The following SIPA1 variants were observed in gnomAD, a reference collection of about 807,000 sequenced individuals.
SIPA1 encodes signal-induced proliferation-associated 1.
SIPA1 carries 51 observed loss-of-function variants against 88.1 expected under a neutral mutation model. The ratio of observed to expected loss-of-function variants is 0.58; its 90% CI spans 0.46 to 0.73. The LOEUF (loss-of-function observed/expected upper bound fraction) is 0.73. SIPA1 is among the 30% of genes least tolerant of loss of function. SIPA1 has a pLI of 0.00. For missense variants in SIPA1, 1,348 were observed against 1,467.6 expected, an observed-to-expected ratio of 0.92 and a Z score of 1.33; for synonymous variants, 681 against 664.8, an observed-to-expected ratio of 1.02 and a Z score of -0.37.
intron 4 of SIPA1, among the ~76,000 whole-genome samples, chr11:65,643,972 C>T (rs1404980721): frequency 1.3e-5 from 2 of 152,096 alleles, no homozygotes; most frequent in Non-Finnish European, 2.9e-5. Flanking sequence ...TGCAGTTGCC[C>T]AGGCTAGACA....
At position 65,642,236 on chromosome 11, in the gene SIPA1, GCGCGGT is replaced by G. The variant is rs1856018942; in HGVS notation, c.680-12_680-7del. ...AGGGCGGGACCAATCGTTTTCTTCG[GCGCGGT>G]CCCCCAGAACATCAGAACTTCTTCG... On this transcript the variant is annotated splice_polypyrimidine_tract_variant and splice_region_variant and intron_variant, in intron 2 of 15. Coordinates refer to ENST00000534313, the MANE Select transcript of SIPA1 (RefSeq NM_006747.4). The surrounding 1 kb of genome is among the most constrained non-coding windows in gnomAD (Gnocchi z 6.5). 1.3e-6 allele frequency: 2 copies of G among 1,549,876 alleles called. No homozygotes were observed.
rs565983838 is a variant in SIPA1, at chr11:65,650,816, C to T, written c.*101C>T. 26 of 1,274,066 alleles carry T rather than the reference C, an allele frequency of 2.0e-5. No individual in the cohort carries two copies. In the South Asian group the frequency reaches 4.0e-4, roughly 19 times the overall value. 78.9% of individuals were successfully genotyped at this position (1,274,066 alleles called of 1,614,324 possible). A position where few individuals can be genotyped will look rare whatever the true frequency, so the allele number is the denominator to read the frequency against. On this transcript the variant is annotated 3_prime_UTR_variant, in exon 16 of 16. Transcript: ENST00000534313. ...AGGCGTGTCTTAGCACTGCCCCCCTCCCTAGCCCCTTATTTGGTGGCGGAA... is the reference window on the plus strand; with the variant it reads ...AGGCGTGTCTTAGCACTGCCCCCCTTCCTAGCCCCTTATTTGGTGGCGGAA...
At position 65,642,299 on chromosome 11, in the gene SIPA1, G is replaced by T; in HGVS notation, c.729G>T (p.Val243=). The part of the protein sequence containing the change: ...GMDESLGPVA[V]SLRREEKEGS... ...ACGAGTCGCTGGGCCCGGTGGCAGT[G>T]AGCCTGCGGCGGGAGGAGAAGGAGG... is the stretch of plus-strand genomic sequence containing the variant. Residue 243 remains valine, a synonymous_variant, in exon 3 of 16, where the codon GTG becomes GTT. Transcript: ENST00000534313. This position sits in a 1 kb window ranked among gnomAD's most constrained non-coding sequence, Gnocchi z 6.5. 1 of 1,556,284 alleles carries T rather than the reference G, an allele frequency of 6.4e-7. No homozygotes were observed. Among genetic ancestry groups the T allele is most frequent in the East Asian group, 2.4e-5 (1 of 41,940 alleles).
Position 65,650,006 on chromosome 11 carries a change from A to G in SIPA1, c.2803A>G (p.Ile935Val), listed in dbSNP as rs373662621. The change falls in exon 13 of 16, where the codon ATT (isoleucine) becomes GTT (valine). Residue 935 changes from isoleucine to valine, a missense_variant. Ile to Val is a conservative substitution (Grantham distance 29). This residue lies in a region of SIPA1 where 615 missense variants were observed against 559.8 expected (regional missense o/e 1.10). Transcript: ENST00000534313. ...GGACGAGTGGCAGGCCATCTCGGAG[A>G]TTGCCTCTACTTGCAACACCATTCT... ...LEDEWQAISEIASTCNTILES... is the reference protein window; with the variant it reads ...LEDEWQAISEVASTCNTILES... The G allele has an allele frequency of 6.2e-7, 1 of 1,613,736 alleles. No homozygotes were observed. Among genetic ancestry groups the G allele is most frequent in the African/African-American group, 1.3e-5 (1 of 74,850 alleles).
At position 65,646,205 on chromosome 11, in the gene SIPA1, A is replaced by G; in HGVS notation, c.1264-16A>G. The G allele has an allele frequency of 6.2e-7, 1 of 1,613,182 alleles. No homozygotes were observed. Among genetic ancestry groups the G allele is most frequent in the Non-Finnish European group, 8.5e-7 (1 of 1,179,730 alleles). ...ACAGAAGACCTCATCACGAGCCCCT[A>G]CTATCCAACCCCTAGCTCCTCCGGA... On this transcript the variant is annotated splice_polypyrimidine_tract_variant and intron_variant, in intron 6 of 15. Transcript: ENST00000534313. This position sits in a 1 kb window ranked among gnomAD's most constrained non-coding sequence, Gnocchi z 7.5.
Position 65,650,602 on chromosome 11 carries a change from G to T in SIPA1, c.3016G>T (p.Val1006Leu), listed in dbSNP as rs1385276036. The change falls in exon 16 of 16, where the codon GTG (valine) becomes TTG (leucine). Residue 1006 changes from valine (V) to leucine (L), a missense_variant. Val to Leu is a conservative substitution (Grantham distance 32, BLOSUM62 1). Transcript: ENST00000534313. ...KADRAALEEE[V>L]RSLRHNNRRL... ...GGACAGGGCGGCCCTGGAGGAGGAG[G>T]TGCGGAGCCTGAGACACAACAACCG... The T allele has an allele frequency of 1.9e-6, 3 of 1,588,826 alleles. No individual in the cohort carries two copies. In the African/African-American group the frequency reaches 4.0e-5, roughly 21 times the overall value.
chr11:65,649,770 G>A lies in SIPA1; in HGVS notation c.2651G>A (p.Ser884Asn), dbSNP rs538194242. Residue 884 changes from serine (S) to asparagine (N), a missense_variant, in exon 12 of 16, where the codon AGT becomes AAT. By Grantham distance (46) the Ser-to-Asn change is conservative (BLOSUM62 1). Around this residue, in one of 4 missense-constraint regions of SIPA1, gnomAD observed 615 missense variants for 559.8 expected, o/e 1.10. Transcript: ENST00000534313. ...ETPLTQDRPG[S>N]PSGSEDKGNP... ...TCTGTGGCACAGGACAGGCCAGGCA[G>A]TCCCAGTGGCTCTGAGGACAAGGGC... is the stretch of plus-strand genomic sequence containing the variant. The A allele has an allele frequency of 1.4e-5, 23 of 1,614,066 alleles. No individual in the cohort carries two copies. In the South Asian group the frequency reaches 2.3e-4, roughly 16 times the overall value.
chr11:65,645,266 C>G (rs1478169725), intron 5 of SIPA1, 137 bp downstream of exon 5: 1 of 891,834 alleles, frequency 1.1e-6, no homozygotes, highest in Non-Finnish European at 1.7e-6. Context: ...GGATCTGAGT[C>G]AGGGCTATGA....
intron 2 of SIPA1, 31 bp downstream of exon 2, chr11:65,641,631 A>AG: frequency 6.4e-7 from 1 of 1,565,770 alleles, no homozygotes; most frequent in Non-Finnish European, 8.7e-7. Context: ...GGAGTGGAGG[A>AG]GGGGGGCTGA....
Position 65,650,906 on chromosome 11 carries a change from A to G in SIPA1, c.*191A>G, listed in dbSNP as rs2135537985. 1.7e-5 allele frequency: 11 copies of G among 638,260 alleles called. No individual in the cohort carries two copies. The South Asian group carries it at 2.5e-4, about 14-fold the overall frequency. 39.5% of individuals were successfully genotyped at this position (638,260 alleles called of 1,614,324 possible). On this transcript the variant is annotated 3_prime_UTR_variant, in exon 16 of 16. Transcript: ENST00000534313. ...AGAAAAGAGGACTTCAGGGAGTAAA[A>G]AAGCCACTGATGTCTGTGTCTGAAC...
At chr11:65,641,974 A>T in intron 2 of SIPA1, 1 of 547,500 alleles carries the variant, frequency 1.8e-6, no homozygotes, top group Non-Finnish European at 3.2e-6. Flanking sequence ...GCTCCAGGAC[A>T]TAGAAGGGAG....
chr11:65,649,900 G>T, intron 12 of SIPA1, 35 bp downstream of exon 12: 1 of 1,612,044 alleles, frequency 6.2e-7, no homozygotes, highest in Non-Finnish European at 8.5e-7. Context: ...GGGAGGGGTT[G>T]GGGGGTGCTC....
chr11:65,641,691 TCC>T (rs1856007598), intron 2 of SIPA1, 91 bp downstream of exon 2: 5 of 1,205,294 alleles, frequency 4.1e-6, no homozygotes, highest in Middle Eastern at 2.4e-4. Flanking sequence ...TCATGAACTG[TCC>T]ATTTCCTGTA....
rs1321620798 is a variant in SIPA1 at position 65,646,976 on chromosome 11, G to A, written c.1942G>A (p.Asp648Asn). ...LAWTFSEQQL[D>N]LYHGRGEAIT... ...CTGGACCTTCTCCGAGCAGCAGCTG[G>A]ACCTGTACCACGGCCGCGGGGAGGC... The change falls in exon 8 of 16, where the codon GAC becomes AAC. Residue 648 changes from aspartate to asparagine, a missense_variant. Coordinates refer to ENST00000534313, the MANE Select transcript of SIPA1 (RefSeq NM_006747.4). This position sits in a 1 kb window ranked among gnomAD's most constrained non-coding sequence, Gnocchi z 7.5. The A allele has an allele frequency of 6.5e-6, 10 of 1,540,568 alleles. No homozygotes were observed. Among genetic ancestry groups the A allele is most frequent in the Non-Finnish European group, 8.7e-6 (10 of 1,148,894 alleles).
intron 15 of SIPA1, 36 bp from the exon 16 acceptor site, chr11:65,650,532 GC>G: frequency 6.2e-7 from 1 of 1,612,120 alleles, no homozygotes; most frequent in African/African-American, 1.3e-5. Context: ...CAGGAAAGGG[GC>G]TGGCGGCTCT....
At position 65,646,589 on chromosome 11, in the gene SIPA1, G is replaced by C. The variant is rs1217025983; in HGVS notation, c.1555G>C (p.Gly519Arg). The change falls in exon 8 of 16, where the codon GGC becomes CGC. Residue 519 changes from glycine to arginine, a missense_variant. Around this residue, in one of 4 missense-constraint regions of SIPA1, gnomAD observed 641 missense variants for 797.7 expected, o/e 0.80. Coordinates refer to ENST00000534313, the MANE Select transcript of SIPA1 (RefSeq NM_006747.4). This position sits in a 1 kb window ranked among gnomAD's most constrained non-coding sequence, Gnocchi z 7.5. ...AKALNGEQAA[G>R]HARQFHAMAT... is the part of the protein sequence containing the mutation. ...AGCGCTGAATGGTGAGCAGGCGGCC[G>C]GCCACGCGCGCCAGTTCCACGCCAT... is the stretch of plus-strand genomic sequence containing the variant. The C allele has an allele frequency of 6.5e-7, 1 of 1,545,066 alleles. No individual in the cohort carries two copies. Among genetic ancestry groups the C allele is most frequent in the Non-Finnish European group, 8.7e-7 (1 of 1,150,574 alleles).
rs757856271 is a variant in SIPA1, at chr11:65,647,380, G to A, written c.2032-4G>A. ...CCCGCCCACTCGTCCCGCCCCGTCC[G>A]CAGCTGGTGAGCCGTGGCTGCGAGA... On this transcript the variant is annotated splice_polypyrimidine_tract_variant and splice_region_variant and intron_variant, in intron 8 of 15. Coordinates refer to ENST00000534313, the MANE Select transcript of SIPA1 (RefSeq NM_006747.4). 1 of 1,428,260 alleles carries A rather than the reference G, an allele frequency of 7.0e-7. No individual in the cohort carries two copies. Among genetic ancestry groups the A allele is most frequent in the Non-Finnish European group, 9.1e-7 (1 of 1,099,698 alleles). The allele number at this position is 1,428,260 out of a possible 1,614,324, so 88.5% of individuals were successfully genotyped here.
Position 65,646,262 on chromosome 11 carries a change from C to T in SIPA1, c.1305C>T (p.Ile435=). 1 of 1,614,138 alleles carries T rather than the reference C, an allele frequency of 6.2e-7. No individual in the cohort carries two copies. The highest frequency in any genetic ancestry group is 8.5e-7 in the Non-Finnish European group (1 of 1,180,006). ...ACATTGGCAACGACATTGTGACCAT[C>T]GTGTTCCAGGAGCCTGGCAGCAAGC... The part of the protein sequence containing the change: ...KRHIGNDIVT[I]VFQEPGSKPF... Residue 435 remains isoleucine (I), a synonymous_variant, in exon 7 of 16, where the codon ATC becomes ATT. Coordinates refer to ENST00000534313, the MANE Select transcript of SIPA1 (RefSeq NM_006747.4). The surrounding 1 kb of genome is among the most constrained non-coding windows in gnomAD (Gnocchi z 7.5).
Position 65,646,146 on chromosome 11 carries a change from C to T in SIPA1, c.1264-75C>T. ...AGTGGGGGAGCCATTGGTGCCTTGG[C>T]TTTCTCCTGCCTGAATGAGGAGGGG... On this transcript the variant is annotated intron_variant, in intron 6 of 15. Transcript: ENST00000534313. The surrounding 1 kb of genome is among the most constrained non-coding windows in gnomAD (Gnocchi z 7.5). 6.4e-7 allele frequency: 1 copy of T among 1,555,100 alleles called. No homozygotes were observed. The highest frequency in any genetic ancestry group is 8.8e-7 in the Non-Finnish European group (1 of 1,139,990).
Sources: gnomAD v4.1 joint callset for allele counts (sites outside exome capture counted in the v4.1 genomes callset) on GRCh38, gnomAD v4.1.1 for gene constraint, gnomAD v4.1.1 regional missense constraint, Gnocchi (gnomAD v3.1) non-coding constraint, MANE v1.5 for transcripts, NCBI Gene and HGNC (gene_info 2026-07-23, HGNC 2026-07-21) for gene names.